Variants in NACC2 observed in about 807,000 individuals in gnomAD.
The protein encoded by NACC2 is NACC family member 2.
A neutral mutation model predicts 25.1 loss-of-function variants in NACC2; 8 were observed. That is an observed-to-expected ratio of 0.32 (90% CI 0.19 to 0.57). NACC2 has a LOEUF of 0.57. NACC2 is among the 20% of genes least tolerant of loss of function. NACC2 has a pLI of 0.89. For missense variants in NACC2, 644 were observed against 650.2 expected, an observed-to-expected ratio of 0.99 and a Z score of 0.10; for synonymous variants, 435 against 294.7, an observed-to-expected ratio of 1.48 and a Z score of -4.88.
intron 1 of NACC2, among the ~76,000 whole-genome samples, chr9:136,071,704 T>C (rs1216054198): frequency 1.3e-5 from 2 of 152,090 alleles, no homozygotes; most frequent in Non-Finnish European, 2.9e-5. Flanking sequence ...CAAGGCTTAT[T>C]ATAAACTATA....
In NACC2 at chr9:136,007,629, A is replaced by G. The variant is rs1298050679; in HGVS notation, c.*3887T>C. ...TGACATGACAAAAGTATGCAGCAGC[A>G]ACATTCTGAAACAGTAGTTACAGCT... On this transcript the variant is annotated 3_prime_UTR_variant, in exon 6 of 6. Coordinates refer to ENST00000277554, the MANE Select transcript of NACC2 (RefSeq NM_144653.5). The G allele has an allele frequency of 6.6e-6, 1 of 152,282 alleles. No individual in the cohort carries two copies. The highest frequency in any genetic ancestry group is 1.9e-4 in the East Asian group (1 of 5,198). 9.4% of individuals were successfully genotyped at this position (152,282 alleles called of 1,614,324 possible).
At chr9:136,083,504 G>T (rs933595680) in intron 1 of NACC2, among the ~76,000 whole-genome samples, 1 of 152,254 alleles carries the variant, frequency 6.6e-6, no homozygotes, top group Non-Finnish European at 1.5e-5. Context: ...CTTTGCAGAT[G>T]TAAGATCAAG....
intron 1 of NACC2, among the ~76,000 whole-genome samples, chr9:136,059,529 C>G (rs1157897079): frequency 5.3e-5 from 8 of 152,244 alleles, no homozygotes; most frequent in African/African-American, 1.7e-4. Context: ...GTGGTCCACT[C>G]AGGGAGCTGG....
chr9:136,083,835 C>G (rs1455076487), intron 1 of NACC2, among the ~76,000 whole-genome samples: 1 of 152,216 alleles, frequency 6.6e-6, no homozygotes, highest in African/African-American at 2.4e-5. Context: ...GCTGAGGGGA[C>G]CCCCGGCCTG....
At position 136,024,055 on chromosome 9, in the gene NACC2, C is replaced by T. The variant is rs1479951372; in HGVS notation, c.887-7626G>A. On this transcript the variant is annotated intron_variant, in intron 2 of 5. Transcript: ENST00000277554. ...TGGGAGACAGAGTGTGTGGGGACAG[C>T]GTGTGTGTGTGAGGCCAGAGTGTGA... is the stretch of plus-strand genomic sequence containing the variant. 4.0e-5 allele frequency among the ~76,000 whole-genome samples: 6 copies of T among 151,148 alleles called. No homozygotes were observed. The East Asian group carries it at 5.9e-4, about 15-fold the overall frequency.
rs954762760 is a variant in NACC2 at position 136,053,666 on chromosome 9, G to A, written c.-59-3086C>T. 5.9e-5 allele frequency among the ~76,000 whole-genome samples: 9 copies of A among 152,336 alleles called. No individual in the cohort carries two copies. The South Asian group carries it at 1.7e-3, about 28-fold the overall frequency. On this transcript the variant is annotated intron_variant, in intron 1 of 5. Transcript: ENST00000277554. ...ACAGCACAGAGGGCAGAGGCCCCTA[G>A]ACAGCTCCCTTCACAGACCCACTGC... is the stretch of plus-strand genomic sequence containing the variant.
chr9:136,006,680 C>T lies in NACC2; in HGVS notation c.*4836G>A, dbSNP rs929477395. On this transcript the variant is annotated 3_prime_UTR_variant, in exon 6 of 6. Transcript: ENST00000277554. ...GCTTGAAGCCCTCGGTTTCCCTGTT[C>T]GCTTTTGAATGTTTCAGTTTTAGTT... 3 of 152,206 alleles carry T rather than the reference C, an allele frequency of 2.0e-5. No homozygotes were observed. Among genetic ancestry groups the T allele is most frequent in the Admixed American group, 1.3e-4 (2 of 15,278 alleles). 9.4% of individuals were successfully genotyped at this position (152,206 alleles called of 1,614,324 possible). A position where few individuals can be genotyped will look rare whatever the true frequency, so the allele number is the denominator to read the frequency against.
intron 1 of NACC2, among the ~76,000 whole-genome samples, chr9:136,060,736 C>T (rs890029669): frequency 2.6e-5 from 4 of 152,182 alleles, no homozygotes; most frequent in African/African-American, 4.8e-5. Flanking sequence ...CCGGTGAGCA[C>T]GGAGCCATCA....
At chr9:136,062,468 C>A (rs1344373363) in intron 1 of NACC2, among the ~76,000 whole-genome samples, 1 of 152,232 alleles carries the variant, frequency 6.6e-6, no homozygotes, top group Non-Finnish European at 1.5e-5. Flanking sequence ...CCTTGTCTAG[C>A]AAGATCTGGT....
Position 136,022,190 on chromosome 9 carries a change from T to C in NACC2, c.887-5761A>G, listed in dbSNP as rs1386937110. ...TTGGTGGCATCAGGCGCAGAGCAGGTGCACAGGGACCCAGGTGGAAATGGT... is the reference window on the plus strand; with the variant it reads ...TTGGTGGCATCAGGCGCAGAGCAGGCGCACAGGGACCCAGGTGGAAATGGT... On this transcript the variant is annotated intron_variant, in intron 2 of 5. Transcript: ENST00000277554. The surrounding 1 kb of genome is among the most constrained non-coding windows in gnomAD (Gnocchi z 4.4). Among the ~76,000 whole-genome samples, 7 of 152,106 alleles carry C rather than the reference T, an allele frequency of 4.6e-5. No individual in the cohort carries two copies. Among genetic ancestry groups the C allele is most frequent in the Admixed American group, 4.6e-4 (7 of 15,276 alleles).
Position 136,020,646 on chromosome 9 carries a change from A to G in NACC2, c.887-4217T>C, listed in dbSNP as rs1840278815. ...CCCTAGTCCTTGATGATACAGAAAT[A>G]TACAACTTAAATGCAAATGGACAGA... is the stretch of plus-strand genomic sequence containing the variant. On this transcript the variant is annotated intron_variant, in intron 2 of 5. Transcript: ENST00000277554. This position sits in a 1 kb window ranked among gnomAD's most constrained non-coding sequence, Gnocchi z 4.7. Among the ~76,000 whole-genome samples the G allele has an allele frequency of 6.6e-6, 1 of 152,238 alleles. No homozygotes were observed. Among genetic ancestry groups the G allele is most frequent in the African/African-American group, 2.4e-5 (1 of 41,462 alleles).
rs1015414385 is a variant in NACC2, at chr9:136,084,227, GGTCAAAGAC to G, written c.-60+10953_-60+10961del. On this transcript the variant is annotated intron_variant, in intron 1 of 5. Coordinates refer to ENST00000277554, the MANE Select transcript of NACC2 (RefSeq NM_144653.5). This position sits in a 1 kb window ranked among gnomAD's most constrained non-coding sequence, Gnocchi z 5.1. ...CCAACCTGCAGCCTCCCCGCTCCCA[GGTCAAAGAC>G]CTCCACACCCAGACCTGGTCCTGGG... Among the ~76,000 whole-genome samples the G allele has an allele frequency of 6.6e-6, 1 of 152,078 alleles. No homozygotes were observed. Among genetic ancestry groups the G allele is most frequent in the African/African-American group, 2.4e-5 (1 of 41,406 alleles).
intron 1 of NACC2, among the ~76,000 whole-genome samples, chr9:136,061,894 CG>C (rs199561711): frequency 0.02 from 3,081 of 152,210 alleles, 48 homozygotes; most frequent in Non-Finnish European, 0.032. Flanking sequence ...CCAAGGCGGG[CG>C]GATCACCTGA....
In NACC2 at chr9:136,019,503, A is replaced by C. The variant is rs1251444441; in HGVS notation, c.887-3074T>G. 6.6e-6 allele frequency: 1 copy of C among 152,260 alleles called. No homozygotes were observed. Among genetic ancestry groups the C allele is most frequent in the Non-Finnish European group, 1.5e-5 (1 of 68,076 alleles). 9.4% of individuals were successfully genotyped at this position (152,260 alleles called of 1,614,324 possible). The stretch of plus-strand genomic sequence containing the variant: ...TTCACCCTCGACAGCCCTGTGAAGA[A>C]ACTCAGGTGCCAGGACGGTGCCCTC... On this transcript the variant is annotated intron_variant, in intron 2 of 5. Coordinates refer to ENST00000277554, the MANE Select transcript of NACC2 (RefSeq NM_144653.5). This position sits in a 1 kb window ranked among gnomAD's most constrained non-coding sequence, Gnocchi z 5.2.
At chr9:136,024,392 GGTGTGTGAGGACAGA>G (rs1840352244) in intron 2 of NACC2, among the ~76,000 whole-genome samples, 1 of 105,476 alleles carries the variant, frequency 9.5e-6, no homozygotes, top group African/African-American at 3.9e-5. Context: ...GAGGACAGAG[GGTGTGTGAGGACAGA>G]GTGTGTGTGT....
In NACC2 at chr9:136,022,813, TTC is replaced by T. The variant is rs970201023; in HGVS notation, c.887-6386_887-6385del. The stretch of plus-strand genomic sequence containing the variant: ...GAGGCCACAATTATAAGGCATGCCA[TTC>T]TCTCATGTGCCACAGGGCAAAGGTG... On this transcript the variant is annotated intron_variant, in intron 2 of 5. Coordinates refer to ENST00000277554, the MANE Select transcript of NACC2 (RefSeq NM_144653.5). This position sits in a 1 kb window ranked among gnomAD's most constrained non-coding sequence, Gnocchi z 4.4. 2.6e-5 allele frequency among the ~76,000 whole-genome samples: 4 copies of T among 151,692 alleles called. No individual in the cohort carries two copies. Among genetic ancestry groups the T allele is most frequent in the African/African-American group, 9.7e-5 (4 of 41,266 alleles).
chr9:136,030,071 C>T (rs559808587), intron 2 of NACC2, among the ~76,000 whole-genome samples: 1 of 152,296 alleles, frequency 6.6e-6, no homozygotes, highest in South Asian at 2.1e-4. Flanking sequence ...CATGGAGTTT[C>T]ACCATGATAG....
intron 5 of NACC2, 90 bp from the exon 6 acceptor site, chr9:136,012,114 A>G: frequency 7.1e-7 from 1 of 1,412,512 alleles, no homozygotes. Context: ...GCCCTGGATG[A>G]GCCTCCCCGG....
At chr9:136,090,880 A>G (rs1475344961) in intron 1 of NACC2, among the ~76,000 whole-genome samples, 2 of 151,402 alleles carry the variant, frequency 1.3e-5, no homozygotes, top group Non-Finnish European at 2.9e-5. Context: ...TTTGCCGTTC[A>G]CCCCAGTGAC....
Sources: gnomAD v4.1 joint callset for allele counts (sites outside exome capture counted in the v4.1 genomes callset) on GRCh38, gnomAD v4.1.1 for gene constraint, Gnocchi (gnomAD v3.1) non-coding constraint, MANE v1.5 for transcripts, NCBI Gene and HGNC (gene_info 2026-07-23, HGNC 2026-07-21) for gene names.